Variants in MREG observed in about 807,000 individuals in gnomAD.
MREG encodes melanoregulin.
Under a neutral mutation model 28.5 loss-of-function variants are expected in MREG, and 31 were observed. That is an observed-to-expected ratio of 1.09 (90% CI 0.82 to 1.47). MREG has a LOEUF of 1.47. Among genes scored for constraint, MREG ranks in the 40% most tolerant of loss-of-function variants. MREG has a pLI of 0.00. For missense variants in MREG, 256 were observed against 257.4 expected (o/e 0.99, Z 0.04); for synonymous variants, 106 against 95.2 (o/e 1.11, Z -0.66).
At chr2:216,021,671 G>C (rs1234090195) in intron 1 of MREG, among the ~76,000 whole-genome samples, 1 of 152,170 alleles carries the variant, frequency 6.6e-6, no homozygotes, top group Non-Finnish European at 1.5e-5. Flanking sequence ...TTAGAGTATG[G>C]TCTTTGGCAT....
upstream of MREG, among the ~76,000 whole-genome samples, chr2:216,018,307 C>G (rs144574933): frequency 6.6e-6 from 1 of 152,224 alleles, no homozygotes; most frequent in Non-Finnish European, 1.5e-5. Flanking sequence ...CAATGGTGAA[C>G]TAGAATGTAG....
intron 1 of MREG, among the ~76,000 whole-genome samples, chr2:216,001,282 G>A (rs1311894946): frequency 5.9e-5 from 9 of 152,194 alleles, no homozygotes; most frequent in African/African-American, 2.2e-4. Flanking sequence ...CAGAAGGTGA[G>A]TGCCTCCTGG....
At chr2:216,003,995 C>A (rs1694088489) in intron 1 of MREG, among the ~76,000 whole-genome samples, 1 of 152,208 alleles carries the variant, frequency 6.6e-6, no homozygotes, top group Non-Finnish European at 1.5e-5. Flanking sequence ...CAGTGGCTAA[C>A]CCATTTGGCC....
At chr2:216,003,080 T>C (rs1381853925) in intron 1 of MREG, among the ~76,000 whole-genome samples, 1 of 152,128 alleles carries the variant, frequency 6.6e-6, no homozygotes, top group Non-Finnish European at 1.5e-5. Flanking sequence ...TTATTTCTTA[T>C]GTTTTTAATT....
At chr2:215,945,548 A>G in intron 4 of MREG, 23 bp downstream of exon 4, 1 of 1,600,500 alleles carries the variant, frequency 6.2e-7, no homozygotes, top group Non-Finnish European at 8.5e-7. Context: ...AATTAGGGCA[A>G]ATGAAAAAAA....
At chr2:215,988,800 A>G (rs1441976584) in intron 2 of MREG, among the ~76,000 whole-genome samples, 1 of 152,214 alleles carries the variant, frequency 6.6e-6, no homozygotes, top group African/African-American at 2.4e-5. Context: ...GGGTGGAGCC[A>G]CTGCAGTTCA....
chr2:215,998,294 A>C (rs1001955591), intron 1 of MREG, among the ~76,000 whole-genome samples: 4 of 149,076 alleles, frequency 2.7e-5, no homozygotes, highest in African/African-American at 7.5e-5. Context: ...GACAAGAGCA[A>C]AACTCCATCT....
Position 215,975,445 on chromosome 2 carries a change from T to C in MREG, c.255+20861A>G, listed in dbSNP as rs373562261. On this transcript the variant is annotated intron_variant, in intron 2 of 4. Coordinates refer to ENST00000263268, the MANE Select transcript of MREG (RefSeq NM_018000.3). ...AAAACTGCTGGATGAGTTGACTTAATTTAGTTGCAATATGTAGGCTATTCT... is the reference window on the plus strand; with the variant it reads ...AAAACTGCTGGATGAGTTGACTTAACTTAGTTGCAATATGTAGGCTATTCT... Among the ~76,000 whole-genome samples, 78 of 152,320 alleles carry C rather than the reference T, an allele frequency of 5.1e-4. No homozygotes were observed. The East Asian group carries it at 0.014, about 27-fold the overall frequency.
intron 2 of MREG, among the ~76,000 whole-genome samples, chr2:215,964,936 C>T (rs1029178652): frequency 1.2e-4 from 19 of 152,126 alleles, no homozygotes; most frequent in East Asian, 5.8e-4. Context: ...TAAAATAGTA[C>T]GATAGTATTT....
intron 2 of MREG, among the ~76,000 whole-genome samples, chr2:215,953,863 C>A (rs1163833451): frequency 6.6e-6 from 1 of 152,228 alleles, no homozygotes; most frequent in Non-Finnish European, 1.5e-5. Context: ...ATAGATACCA[C>A]ACAAAATATT....
intron 2 of MREG, among the ~76,000 whole-genome samples, chr2:215,994,622 GAAGAAGGA>G (rs1693814159): frequency 6.8e-5 from 3 of 44,012 alleles, no homozygotes; most frequent in Non-Finnish European, 2.7e-4. Flanking sequence ...AAGAAGAAGA[GAAGAAGGA>G]GGGGGAGGAG....
intron 2 of MREG, among the ~76,000 whole-genome samples, chr2:215,975,008 T>TTATATATATATAGATATATATATATA (rs1693213035): frequency 9.4e-6 from 1 of 106,608 alleles, no homozygotes; most frequent in Non-Finnish European, 1.9e-5. Context: ...TTTATATGAA[T>TTATATATATATAGATATATATATATA]TATATATATA....
chr2:216,014,615 C>T (rs1694399452), upstream of MREG, among the ~76,000 whole-genome samples: 4 of 150,794 alleles, frequency 2.7e-5, no homozygotes, highest in Admixed American at 2.6e-4. Flanking sequence ...CGCCACTGCA[C>T]TCCAGCCTGG....
At position 215,945,549 on chromosome 2, in the gene MREG, A is replaced by G. The variant is rs971700321; in HGVS notation, c.510+22T>C. ...AGCAATTAAAGCAAAATTAGGGCAA[A>G]TGAAAAAAAGCATCCACTTACCACA... On this transcript the variant is annotated intron_variant, in intron 4 of 4. Transcript: ENST00000263268. 3.1e-6 allele frequency: 5 copies of G among 1,600,504 alleles called. No homozygotes were observed. The African/African-American group carries it at 4.1e-5, about 13-fold the overall frequency.
At chr2:216,002,607 A>C (rs1694045465) in intron 1 of MREG, among the ~76,000 whole-genome samples, 1 of 152,202 alleles carries the variant, frequency 6.6e-6, no homozygotes, top group South Asian at 2.1e-4. Flanking sequence ...CACCCTTGAC[A>C]CTCACAGACT....
intron 2 of MREG, among the ~76,000 whole-genome samples, chr2:215,972,683 T>A (rs560304040): frequency 2.0e-5 from 3 of 151,904 alleles, no homozygotes; most frequent in Non-Finnish European, 4.4e-5. Flanking sequence ...ATGACCTTGA[T>A]TGTGGTGATG....
intron 2 of MREG, among the ~76,000 whole-genome samples, chr2:215,977,707 G>C (rs1267896043): frequency 2.6e-5 from 4 of 152,166 alleles, no homozygotes; most frequent in Non-Finnish European, 4.4e-5. Flanking sequence ...AATCAAACTA[G>C]AACTCAGGAT....
chr2:215,949,378 G>A (rs1692424860), intron 2 of MREG, among the ~76,000 whole-genome samples: 1 of 151,328 alleles, frequency 6.6e-6, no homozygotes, highest in African/African-American at 2.4e-5. Flanking sequence ...TAGTCACTAC[G>A]GTGAAACCCC....
chr2:215,977,712 CA>C (rs1693299488), intron 2 of MREG, among the ~76,000 whole-genome samples: 2 of 152,172 alleles, frequency 1.3e-5, no homozygotes, highest in South Asian at 4.1e-4. Context: ...AACTAGAACT[CA>C]GGATTAAGAA....
Sources: gnomAD v4.1 joint callset for allele counts (sites outside exome capture counted in the v4.1 genomes callset) on GRCh38, gnomAD v4.1.1 for gene constraint, MANE v1.5 for transcripts, NCBI Gene and HGNC (gene_info 2026-07-23, HGNC 2026-07-21) for gene names.